DCC: variants seen among roughly 807,000 people sequenced by gnomAD.
The protein encoded by DCC is DCC netrin 1 receptor, also known as netrin receptor DCC.
A neutral mutation model predicts 172.5 loss-of-function variants in DCC; 58 were observed. That is an observed-to-expected ratio of 0.34 (90% confidence interval 0.27 to 0.42). The LOEUF (loss-of-function observed/expected upper bound fraction) is 0.42, where lower values mean the gene tolerates loss of function less well. Ranked by LOEUF, DCC falls within the 10% of genes least tolerant of loss-of-function variation. DCC has a pLI of 1.00. For synonymous variants in DCC, 709 were observed against 644.5 expected (o/e 1.10, Z -1.52); for missense variants, 1,740 against 1,791.0 (o/e 0.97, Z 0.51).
chr18:53,339,864 G>C lies in DCC; in HGVS notation c.2316G>C (p.Val772=), dbSNP rs1371208099. 3 of 1,613,808 alleles carry C rather than the reference G, an allele frequency of 1.9e-6. No homozygotes were observed. Among genetic ancestry groups the C allele is most frequent in the Admixed American group, 1.7e-5 (1 of 59,954 alleles). Residue 772 remains valine, a synonymous_variant, in exon 15 of 29, where the codon GTG becomes GTC. Transcript: ENST00000442544. ...YGVGSPYAET[V]RVDSKQRYYS... ...TTGGGAGCCCTTACGCTGAGACAGT[G>C]CGTGTGGACAGCAAGCAGCGATATT... is the stretch of plus-strand genomic sequence containing the variant.
chr18:52,614,560 T>C (rs550863500), intron 1 of DCC, among the ~76,000 whole-genome samples: 1 of 152,304 alleles, frequency 6.6e-6, no homozygotes, highest in Non-Finnish European at 1.5e-5. Context: ...ACGCATTTTA[T>C]CATGCACCTT....
At chr18:53,112,442 G>T (rs1039020098) in intron 7 of DCC, among the ~76,000 whole-genome samples, 3 of 151,420 alleles carry the variant, frequency 2.0e-5, no homozygotes, top group Admixed American at 6.6e-5. Context: ...GAAGAAACTC[G>T]CCACTCACTC....
At chr18:53,073,998 A>G (rs2042690377) in intron 7 of DCC, among the ~76,000 whole-genome samples, 1 of 152,074 alleles carries the variant, frequency 6.6e-6, no homozygotes, top group Non-Finnish European at 1.5e-5. Flanking sequence ...GAAGCAATGA[A>G]CATTGAATAA....
intron 8 of DCC, among the ~76,000 whole-genome samples, chr18:53,164,270 G>C (rs913617597): frequency 1.3e-5 from 2 of 152,052 alleles, no homozygotes; most frequent in African/African-American, 2.4e-5. Context: ...TGAGAGATGA[G>C]GTTTTGCTAT....
At chr18:53,506,355 C>G (rs754541899) in intron 27 of DCC, among the ~76,000 whole-genome samples, 1 of 152,030 alleles carries the variant, frequency 6.6e-6, no homozygotes, top group African/African-American at 2.4e-5. Flanking sequence ...AAGGCAGATA[C>G]GATGAAATAA....
intron 15 of DCC, among the ~76,000 whole-genome samples, chr18:53,377,076 A>G (rs529744843): frequency 6.6e-6 from 1 of 152,252 alleles, no homozygotes; most frequent in African/African-American, 2.4e-5. Flanking sequence ...CTTGTTGAAA[A>G]TCTTCTTCAA....
At chr18:52,635,078 AT>A (rs2034748655) in intron 1 of DCC, among the ~76,000 whole-genome samples, 1 of 152,106 alleles carries the variant, frequency 6.6e-6, no homozygotes, top group Admixed American at 6.5e-5. Flanking sequence ...TAGAACCTTG[AT>A]TTGTCTTGTT....
At chr18:53,507,995 G>A (rs1043911979) in intron 27 of DCC, among the ~76,000 whole-genome samples, 40 of 77,198 alleles carry the variant, frequency 5.2e-4, no homozygotes, top group African/African-American at 2.2e-3. Context: ...CGGGGTTCAC[G>A]CCATTCTCCT....
Position 53,499,490 on chromosome 18 carries a change from CACCACTTTT to C in DCC, c.4092_4100del (p.Pro1365_Leu1367del). On this transcript the variant is annotated inframe_deletion, in exon 27 of 29. Transcript: ENST00000442544. ...GCAATAGAACCGAAAGTCCCTTACA[CACCACTTTT>C]GTCTCAGCCAGGTAAAGTACTCGGT... The C allele has an allele frequency of 6.2e-7, 1 of 1,614,050 alleles. No individual in the cohort carries two copies. The highest frequency in any genetic ancestry group is 1.1e-5 in the South Asian group (1 of 91,084).
At chr18:52,812,581 C>A (rs957040033) in intron 2 of DCC, among the ~76,000 whole-genome samples, 1 of 152,152 alleles carries the variant, frequency 6.6e-6, no homozygotes, top group African/African-American at 2.4e-5. Context: ...TCTTAAAAAA[C>A]ATATGATTTA....
chr18:52,520,343 T>C (rs2031773739), intron 1 of DCC, among the ~76,000 whole-genome samples: 1 of 152,234 alleles, frequency 6.6e-6, no homozygotes, highest in Non-Finnish European at 1.5e-5. Flanking sequence ...GTTACTGCTA[T>C]AATCAGTAAA....
chr18:53,148,900 G>A (rs1185555645), intron 7 of DCC, among the ~76,000 whole-genome samples: 1 of 105,136 alleles, frequency 9.5e-6, no homozygotes, highest in Non-Finnish European at 1.9e-5. Context: ...GTCTCGCTCT[G>A]TTGCCCAGGC....
In DCC at chr18:52,808,223, A is replaced by G. The variant is rs2038124380; in HGVS notation, c.412+55849A>G. 1.3e-5 allele frequency among the ~76,000 whole-genome samples: 2 copies of G among 152,220 alleles called. 1 individual carries two copies. Among genetic ancestry groups the G allele is most frequent in the South Asian group, 4.1e-4 (2 of 4,834 alleles). Reference sequence around the variant, plus strand: ...CTACCTGAATCTATTGCTATGTCTAAAAGGTCTTGTTCTGGATTTTTGAAT... The same window carrying G: ...CTACCTGAATCTATTGCTATGTCTAGAAGGTCTTGTTCTGGATTTTTGAAT... On this transcript the variant is annotated intron_variant, in intron 2 of 28. Coordinates refer to ENST00000442544, the MANE Select transcript of DCC (RefSeq NM_005215.4).
At chr18:52,732,417 A>G (rs377638280) in intron 1 of DCC, among the ~76,000 whole-genome samples, 5 of 152,312 alleles carry the variant, frequency 3.3e-5, no homozygotes, top group African/African-American at 9.6e-5. Flanking sequence ...AGCAATCATT[A>G]TAAGATATTC....
chr18:53,263,440 C>A (rs1218212205), intron 12 of DCC, among the ~76,000 whole-genome samples: 1 of 152,190 alleles, frequency 6.6e-6, no homozygotes, highest in African/African-American at 2.4e-5. Flanking sequence ...GCATGAGCCA[C>A]CACACCCAGC....
intron 12 of DCC, among the ~76,000 whole-genome samples, chr18:53,273,432 A>G (rs1290798567): frequency 2.6e-5 from 4 of 152,134 alleles, no homozygotes; most frequent in Non-Finnish European, 4.4e-5. Context: ...AGGAAATTTG[A>G]TTGGTAGGAT....
chr18:53,140,649 C>T (rs1465936300), intron 7 of DCC, among the ~76,000 whole-genome samples: 1 of 151,868 alleles, frequency 6.6e-6, no homozygotes, highest in African/African-American at 2.4e-5. Context: ...GAAGTAGGGA[C>T]ACATTCAGGA....
chr18:52,794,558 A>G (rs1051668355), intron 2 of DCC, among the ~76,000 whole-genome samples: 3 of 151,744 alleles, frequency 2.0e-5, no homozygotes, highest in Admixed American at 6.6e-5. Flanking sequence ...AGGTTTTTCT[A>G]TACATAAGAT....
At chr18:53,312,078 GGC>G (rs1333887941) in intron 13 of DCC, among the ~76,000 whole-genome samples, 2 of 151,450 alleles carry the variant, frequency 1.3e-5, no homozygotes, top group African/African-American at 4.9e-5. Context: ...GGGAGGCCGA[GGC>G]GGGCGGATCA....
Sources: gnomAD v4.1 joint callset for allele counts (sites outside exome capture counted in the v4.1 genomes callset) on GRCh38, gnomAD v4.1.1 for gene constraint, MANE v1.5 for transcripts, NCBI Gene and HGNC (gene_info 2026-07-23, HGNC 2026-07-21) for gene names.